Variants in RABGAP1L observed in about 807,000 individuals in gnomAD.
The protein encoded by RABGAP1L is rab GTPase-activating protein 1-like.
Under a neutral mutation model 137.7 loss-of-function variants are expected in RABGAP1L, and 63 were observed. The ratio of observed to expected loss-of-function variants is 0.46; its 90% confidence interval spans 0.37 to 0.56. The LOEUF (loss-of-function observed/expected upper bound fraction) is 0.56. Among genes scored for constraint, RABGAP1L ranks in the 20% least tolerant of loss-of-function variants. The pLI is 0.00. For missense variants in RABGAP1L, 1,095 were observed against 1,244.0 expected (o/e 0.88, Z 1.80); for synonymous variants, 431 against 433.7 (o/e 0.99, Z 0.08).
At chr1:174,632,861 A>G (rs1324377995) in intron 13 of RABGAP1L, among the ~76,000 whole-genome samples, 2 of 150,602 alleles carry the variant, frequency 1.3e-5, no homozygotes, top group African/African-American at 4.9e-5. Context: ...GCTCAGAGTA[A>G]TTTGATCGTC....
At chr1:174,418,561 A>G (rs1381698396) in intron 13 of RABGAP1L, among the ~76,000 whole-genome samples, 1 of 152,184 alleles carries the variant, frequency 6.6e-6, no homozygotes, top group African/African-American at 2.4e-5. Flanking sequence ...TTGAAATATG[A>G]GGGAAACACA....
chr1:174,502,576 G>GTATATATATATATATATATATATA (rs60045454), intron 13 of RABGAP1L, among the ~76,000 whole-genome samples: 121 of 128,988 alleles, frequency 9.4e-4, no homozygotes, highest in Middle Eastern at 4.2e-3. Flanking sequence ...AAAGTACACG[G>GTATATATATATATATATATATATA]TATATATATA....
intron 13 of RABGAP1L, among the ~76,000 whole-genome samples, chr1:174,419,331 CACT>C (rs1202102694): frequency 6.6e-6 from 1 of 152,190 alleles, no homozygotes; most frequent in Non-Finnish European, 1.5e-5. Flanking sequence ...GCAATGTCAA[CACT>C]ACTACTAGTT....
chr1:174,552,214 A>T (rs544620262), intron 13 of RABGAP1L, among the ~76,000 whole-genome samples: 1 of 152,310 alleles, frequency 6.6e-6, no homozygotes, highest in East Asian at 1.9e-4. Context: ...CAAGTTTGTT[A>T]CGTAGGTAAA....
chr1:174,938,346 A>C (rs1665258937), intron 19 of RABGAP1L: 1 of 152,170 alleles, frequency 6.6e-6, no homozygotes. Flanking sequence ...AAATATAATT[A>C]AATAGTGTTT....
At chr1:174,863,239 A>AAAAAAAAAG (rs1322234172) in intron 19 of RABGAP1L, among the ~76,000 whole-genome samples, 2 of 150,344 alleles carry the variant, frequency 1.3e-5, no homozygotes, top group Non-Finnish European at 3.0e-5. Context: ...GTAGCAAAAA[A>AAAAAAAAAG]AAAAAAAAAG....
At position 174,428,690 on chromosome 1, in the gene RABGAP1L, G is replaced by A. The variant is rs74983203; in HGVS notation, c.1710+34545G>A. On this transcript the variant is annotated intron_variant, in intron 13 of 25. Transcript: ENST00000681986. ...GAAAAATATGCCAAACCATTTCATC[G>A]GGAAAAAAAAAGTCCTCAAAGACCC... is the stretch of plus-strand genomic sequence containing the variant. 1.1e-3 allele frequency among the ~76,000 whole-genome samples: 163 copies of A among 151,792 alleles called. No homozygotes were observed. The East Asian group carries it at 0.022, about 20-fold the overall frequency.
chr1:174,758,881 C>A (rs1684987183), intron 18 of RABGAP1L, among the ~76,000 whole-genome samples: 2 of 152,160 alleles, frequency 1.3e-5, no homozygotes. Flanking sequence ...CTCTACCCAG[C>A]TGCTCAAACC....
intron 13 of RABGAP1L, among the ~76,000 whole-genome samples, chr1:174,521,034 T>C (rs1663330830): frequency 2.0e-5 from 3 of 152,194 alleles, no homozygotes; most frequent in African/African-American, 7.2e-5. Context: ...GAACATATTG[T>C]GGTGATAACT....
intron 13 of RABGAP1L, among the ~76,000 whole-genome samples, chr1:174,510,904 C>T (rs1662274933): frequency 6.6e-6 from 1 of 152,014 alleles, no homozygotes; most frequent in Non-Finnish European, 1.5e-5. Flanking sequence ...TTTTTCAGGC[C>T]ACAATAAAAC....
rs535280308 is a variant in RABGAP1L, at chr1:174,839,107, G to A, written c.2340+27147G>A. Among the ~76,000 whole-genome samples, 3 of 150,790 alleles carry A rather than the reference G, an allele frequency of 2.0e-5. No homozygotes were observed. The East Asian group carries it at 5.9e-4, about 29-fold the overall frequency. On this transcript the variant is annotated intron_variant, in intron 19 of 25. Coordinates refer to ENST00000681986, the MANE Select transcript of RABGAP1L (RefSeq NM_001366446.1). ...TATTTAAATTGTATCTGTGGGGGAA[G>A]AGGATGGTCAACAAATTGCTGCCAA... is the stretch of plus-strand genomic sequence containing the variant.
chr1:174,896,843 C>A (rs1176253134), intron 19 of RABGAP1L: 1 of 152,134 alleles, frequency 6.6e-6, no homozygotes, highest in Non-Finnish European at 1.5e-5. Context: ...GTTACTGTAG[C>A]CTTGTAGTAT....
Position 174,981,550 on chromosome 1 carries a change from C to CTTTTTTTTTTTTTT in RABGAP1L, c.2734-1266_2734-1253dup, listed in dbSNP as rs10556099. 1.8e-3 allele frequency among the ~76,000 whole-genome samples: 119 copies of CTTTTTTTTTTTTTT among 66,438 alleles called. 13 individuals carry two copies. The highest frequency in any genetic ancestry group is 5.4e-3 in the East Asian group (8 of 1,486). The allele number at this position is 66,438 out of a possible 152,430, so 43.6% of individuals were successfully genotyped here. A position where few individuals can be genotyped will look rare whatever the true frequency, so the allele number is the denominator to read the frequency against. ...AATTTCACATCCCCTGTTTTTCCAT[C>CTTTTTTTTTTTTTT]TTTTTTTTTTTTTTTTTTTTTTTTT... On this transcript the variant is annotated intron_variant, in intron 23 of 25. Coordinates refer to ENST00000681986, the MANE Select transcript of RABGAP1L (RefSeq NM_001366446.1).
chr1:174,370,847 T>G (rs575627546), intron 11 of RABGAP1L, 132 bp from the exon 12 acceptor site: 4 of 410,408 alleles, frequency 9.7e-6, no homozygotes, highest in African/African-American at 8.2e-5. Context: ...TACTGTTATT[T>G]TTGCAATGCA....
intron 11 of RABGAP1L, among the ~76,000 whole-genome samples, chr1:174,319,520 G>T (rs1679744946): frequency 6.6e-6 from 1 of 152,048 alleles, no homozygotes; most frequent in Non-Finnish European, 1.5e-5. Flanking sequence ...TTCTCAATCT[G>T]CATAGCTTTC....
intron 13 of RABGAP1L, among the ~76,000 whole-genome samples, chr1:174,624,368 A>G (rs902681291): frequency 1.3e-5 from 2 of 152,060 alleles, no homozygotes; most frequent in Admixed American, 1.3e-4. Context: ...CTTTCCATTG[A>G]TATGTATACC....
chr1:174,333,097 T>C (rs1175089656), intron 11 of RABGAP1L, among the ~76,000 whole-genome samples: 2 of 152,168 alleles, frequency 1.3e-5, no homozygotes, highest in African/African-American at 4.8e-5. Flanking sequence ...ATCTCACTCA[T>C]GTGTGGAATC....
intron 17 of RABGAP1L, among the ~76,000 whole-genome samples, chr1:174,707,237 T>G (rs1339723603): frequency 2.6e-5 from 4 of 152,048 alleles, no homozygotes; most frequent in African/African-American, 9.7e-5. Context: ...TTTGTTTTGT[T>G]TTGTTTTGTT....
At chr1:174,390,206 C>T (rs867497889) in intron 12 of RABGAP1L, among the ~76,000 whole-genome samples, 1 of 152,222 alleles carries the variant, frequency 6.6e-6, no homozygotes, top group East Asian at 1.9e-4. Flanking sequence ...GTTAATCAAG[C>T]AGTGTTATGA....
Sources: allele counts gnomAD v4.1 joint callset (sites outside exome capture counted in the v4.1 genomes callset), GRCh38; gene constraint gnomAD v4.1.1; transcripts MANE v1.5; gene names NCBI Gene and HGNC (gene_info 2026-07-23, HGNC 2026-07-21).